The following TRIM15 variants were observed in gnomAD, a reference collection of about 807,000 sequenced individuals.
TRIM15 encodes tripartite motif containing 15, also known as E3 ubiquitin-protein ligase TRIM15.
A neutral mutation model predicts 35.8 loss-of-function variants in TRIM15; 35 were observed. That is an observed-to-expected ratio of 0.98 (90% CI 0.75 to 1.30). The LOEUF is 1.30. Among genes scored for constraint, TRIM15 ranks in the 50% most tolerant of loss-of-function variants. The probability of loss-of-function intolerance (pLI) is 0.00; values close to 1 mark genes in which losing one functional copy is unlikely to be tolerated. For synonymous variants in TRIM15, 252 were observed against 249.8 expected (o/e 1.01, Z -0.08); for missense variants, 590 against 593.5 (o/e 0.99, Z 0.06).
At chr6:30,169,297 C>T in intron 4 of TRIM15, 34 bp downstream of exon 4, 1 of 1,612,918 alleles carries the variant, frequency 6.2e-7, no homozygotes, top group African/African-American at 1.3e-5. Flanking sequence ...CCTCCTTTTA[C>T]TCAACATCAA....
At chr6:30,169,470 G>A (rs906518868) in intron 4 of TRIM15, 4 of 708,592 alleles carry the variant, frequency 5.6e-6, no homozygotes, top group African/African-American at 5.2e-5. Context: ...GGTTGGTATT[G>A]GGGACACATT....
At chr6:30,168,673 T>A in intron 3 of TRIM15, 143 bp downstream of exon 3, 1 of 780,512 alleles carries the variant, frequency 1.3e-6, no homozygotes, top group Non-Finnish European at 2.2e-6. Flanking sequence ...GCTGGAGACT[T>A]GCCCAAGTCA....
At chr6:30,170,811 G>T (rs541531785) in intron 5 of TRIM15, among the ~76,000 whole-genome samples, 165 bp from the exon 6 acceptor site, 44 of 152,266 alleles carry the variant, frequency 2.9e-4, no homozygotes, top group Admixed American at 1.1e-3. Context: ...ACAGGTGCAG[G>T]ACTGAGAGTC....
intron 4 of TRIM15, chr6:30,169,962 C>T (rs183998107): frequency 5.8e-6 from 1 of 172,536 alleles, no homozygotes; most frequent in Non-Finnish European, 1.3e-5. Flanking sequence ...TCTAGAAGGG[C>T]TTGGAGGTCT....
intron 3 of TRIM15, 25 bp from the exon 4 acceptor site, chr6:30,169,216 G>T (rs552122973): frequency 4.3e-6 from 7 of 1,613,168 alleles, no homozygotes; most frequent in Non-Finnish European, 5.9e-6. Flanking sequence ...GAAACTAAAT[G>T]TATGTTCTTG....
In TRIM15 at chr6:30,163,634, A is replaced by G; in HGVS notation, c.-51A>G. The G allele has an allele frequency of 6.5e-7, 1 of 1,533,244 alleles. No individual in the cohort carries two copies. The highest frequency in any genetic ancestry group is 2.0e-4 in the Middle Eastern group (1 of 5,044). 95.0% of individuals were successfully genotyped at this position (1,533,244 alleles called of 1,614,324 possible). ...TGTGACTCGATTTCAGGGAAAGGGA[A>G]CTCGCGTGGGCTGAGGAGACCGGAG... On this transcript the variant is annotated 5_prime_UTR_variant, in exon 1 of 7. Coordinates refer to ENST00000376694, the MANE Select transcript of TRIM15 (RefSeq NM_033229.3).
intron 3 of TRIM15, 64 bp downstream of exon 3, chr6:30,168,594 C>T: frequency 6.9e-7 from 1 of 1,458,380 alleles, no homozygotes; most frequent in Non-Finnish European, 9.4e-7. Context: ...GGGTGGGCAC[C>T]ATGCTTTGGG....
chr6:30,171,921 A>G lies in TRIM15; in HGVS notation c.970A>G (p.Ser324Gly), dbSNP rs1390185282. The G allele has an allele frequency of 2.5e-6, 4 of 1,600,366 alleles. No homozygotes were observed. The Admixed American group carries it at 6.8e-5, about 27-fold the overall frequency. The stretch of plus-strand genomic sequence containing the variant: ...AGTGAGGTACACCCGGCAGAAGAAG[A>G]GCCTGCCAGACAGCCCCCTGCGCTT... ...KSVRYTRQKK[S>G]LPDSPLRFDG... Residue 324 changes from serine (S) to glycine (G), a missense_variant, in exon 7 of 7, where the codon AGC (serine) becomes GGC (glycine). Ser to Gly is a moderately conservative substitution (Grantham distance 56). Transcript: ENST00000376694.
At chr6:30,170,866 C>A in intron 5 of TRIM15, 110 bp from the exon 6 acceptor site, 1 of 1,273,170 alleles carries the variant, frequency 7.9e-7, no homozygotes, top group South Asian at 1.4e-5. Context: ...ACAGCAGAAG[C>A]CGAGTCTTCT....
chr6:30,164,582 C>T (rs1274463724), intron 1 of TRIM15, among the ~76,000 whole-genome samples: 1 of 152,130 alleles, frequency 6.6e-6, no homozygotes, highest in Non-Finnish European at 1.5e-5. Context: ...GTCAGCCTCT[C>T]AGATCTCTCT....
chr6:30,172,352 T>A lies in TRIM15; in HGVS notation c.*3T>A. The A allele has an allele frequency of 6.3e-7, 1 of 1,591,176 alleles. No individual in the cohort carries two copies. The highest frequency in any genetic ancestry group is 8.6e-7 in the Non-Finnish European group (1 of 1,168,294). On this transcript the variant is annotated 3_prime_UTR_variant, in exon 7 of 7. Coordinates refer to ENST00000376694, the MANE Select transcript of TRIM15 (RefSeq NM_033229.3). ...CCTGCCTTACGCTGAAAGGCTGAAG[T>A]GGGGCGCGCGAAGGGCGGCGAAGCG... is the stretch of plus-strand genomic sequence containing the variant.
chr6:30,172,265 C>T lies in TRIM15; in HGVS notation c.1314C>T (p.Phe438=). The T allele has an allele frequency of 6.2e-7, 1 of 1,612,910 alleles. No individual in the cohort carries two copies. Among genetic ancestry groups the T allele is most frequent in the Non-Finnish European group, 8.5e-7 (1 of 1,179,950 alleles). The change falls in exon 7 of 7, where the codon TTC becomes TTT. Residue 438 remains phenylalanine, a synonymous_variant. Coordinates refer to ENST00000376694, the MANE Select transcript of TRIM15 (RefSeq NM_033229.3). Reference sequence around the variant, plus strand: ...ACGCCCAGACCCAGGAGCCCATCTTCACCTTCACTGCCTCTTTCTCCGGCA... The same window carrying T: ...ACGCCCAGACCCAGGAGCCCATCTTTACCTTCACTGCCTCTTTCTCCGGCA... ...LHNAQTQEPI[F]TFTASFSGKV... is the part of the protein sequence containing the mutation.
At chr6:30,169,953 C>A in intron 4 of TRIM15, 1 of 178,218 alleles carries the variant, frequency 5.6e-6, no homozygotes, top group Non-Finnish European at 1.2e-5. Context: ...AGGTTTAGAT[C>A]TAGAAGGGCT....
intron 5 of TRIM15, 116 bp from the exon 6 acceptor site, chr6:30,170,860 C>G: frequency 8.1e-7 from 1 of 1,237,560 alleles, no homozygotes; most frequent in Non-Finnish European, 1.1e-6. Flanking sequence ...TAGACCACAG[C>G]AGAAGCCGAG....
chr6:30,172,070 G>C lies in TRIM15; in HGVS notation c.1119G>C (p.Arg373Ser). 1.3e-6 allele frequency: 2 copies of C among 1,572,278 alleles called. No individual in the cohort carries two copies. Among genetic ancestry groups the C allele is most frequent in the African/African-American group, 1.3e-5 (1 of 74,348 alleles). The change falls in exon 7 of 7, where the codon AGG (arginine) becomes AGC (serine). Residue 373 changes from arginine (R) to serine (S), a missense_variant. Transcript: ENST00000376694. ...TGGGGGTGGCCGGGGAGGGGGTGAG[G>C]AGGAAGGGAGAGATGGGACTCAGCG... ...CTVGVAGEGV[R>S]RKGEMGLSAE...
chr6:30,163,554 TTC>T lies in TRIM15; in HGVS notation c.-121_-120del, dbSNP rs1562136672. ...CTGGCATTCTTGCCTCTCTCTCTCT[TTC>T]TCTCTCTCTGTCTCTTAGCCTTGCA... is the stretch of plus-strand genomic sequence containing the variant. On this transcript the variant is annotated 5_prime_UTR_variant, in exon 1 of 7. Transcript: ENST00000376694. 6.9e-5 allele frequency: 78 copies of T among 1,134,602 alleles called. No homozygotes were observed. The highest frequency in any genetic ancestry group is 3.1e-4 in the Middle Eastern group (1 of 3,176). 70.3% of individuals were successfully genotyped at this position (1,134,602 alleles called of 1,614,324 possible).
intron 1 of TRIM15, among the ~76,000 whole-genome samples, chr6:30,164,882 C>T (rs1226972160): frequency 1.3e-5 from 2 of 152,140 alleles, no homozygotes; most frequent in African/African-American, 2.4e-5. Context: ...CCTTTGCAGT[C>T]GGGATCCTTC....
At position 30,172,062 on chromosome 6, in the gene TRIM15, G is replaced by T. The variant is rs774938366; in HGVS notation, c.1111G>T (p.Gly371Trp). The change falls in exon 7 of 7, where the codon GGG (glycine) becomes TGG (tryptophan). Residue 371 changes from glycine (G) to tryptophan (W), a missense_variant. Gly to Trp is a radical substitution (Grantham distance 184). Transcript: ENST00000376694. ...GGCTVGVAGE[G>W]VRRKGEMGLS... ...CTGCACGGTGGGGGTGGCCGGGGAG[G>T]GGGTGAGGAGGAAGGGAGAGATGGG... 9 of 1,570,654 alleles carry T rather than the reference G, an allele frequency of 5.7e-6. No individual in the cohort carries two copies. The highest frequency in any genetic ancestry group is 1.2e-5 in the South Asian group (1 of 86,130).
At position 30,167,188 on chromosome 6, in the gene TRIM15, A is replaced by G. The variant is rs139358870; in HGVS notation, c.394A>G (p.Ser132Gly). The change falls in exon 2 of 7, where the codon AGT becomes GGT. Residue 132 changes from serine to glycine, a missense_variant. By Grantham distance (56) the Ser-to-Gly change is moderately conservative. Transcript: ENST00000376694. ...CTTCTCCCCACAGGATCGTCTCAGG[A>G]GTCGACTGGAAGCTCTGAGCACGGA... ...AIQPYRDRLR[S>G]RLEALSTERD... 1.0e-4 allele frequency: 163 copies of G among 1,613,014 alleles called. 2 individuals are homozygous for G. The African/African-American group carries it at 1.7e-3, about 16-fold the overall frequency.
Sources: allele counts gnomAD v4.1 joint callset (sites outside exome capture counted in the v4.1 genomes callset), GRCh38; gene constraint gnomAD v4.1.1; transcripts MANE v1.5; gene names NCBI Gene and HGNC (gene_info 2026-07-23, HGNC 2026-07-21).